KBTBD13: variants seen among roughly 807,000 people sequenced by gnomAD.
KBTBD13 encodes the protein kelch repeat and BTB domain containing 13, also known as kelch repeat and BTB domain-containing protein 13.
Under a neutral mutation model 25.4 loss-of-function variants are expected in KBTBD13, and 32 were observed. The observed-to-expected ratio is 1.26, with a 90% confidence interval of 0.95 to 1.69. The LOEUF (loss-of-function observed/expected upper bound fraction) is 1.69. Among genes scored for constraint, KBTBD13 ranks in the 40% most tolerant of loss-of-function variants. KBTBD13 has a pLI of 0.00. For synonymous variants in KBTBD13, 436 were observed against 329.8 expected (o/e 1.32, Z -3.49); for missense variants, 898 against 679.5 (o/e 1.32, Z -3.57).
rs781438362 is a variant in KBTBD13, at chr15:65,077,062, G to C, written c.247G>C (p.Glu83Gln). 360 of 1,512,778 alleles carry C rather than the reference G, an allele frequency of 2.4e-4. No individual in the cohort carries two copies. The highest frequency in any genetic ancestry group is 3.1e-4 in the Non-Finnish European group (346 of 1,132,894). The allele number at this position is 1,512,778 out of a possible 1,614,324, so 93.7% of individuals were successfully genotyped here. The change falls in exon 1 of 1, where the codon GAG (glutamate) becomes CAG (glutamine). Residue 83 changes from glutamate (E) to glutamine (Q), a missense_variant. Physicochemically the swap from Glu to Gln is conservative, Grantham distance 29. Coordinates refer to ENST00000432196, the MANE Select transcript of KBTBD13 (RefSeq NM_001101362.3). ...GGAGGACGAGCTGCTGCAGGCCGTG[G>C]AGTGCGCCGCCTTCCTCCAGGCGCC... ...AAEDELLQAV[E>Q]CAAFLQAPAL...
In KBTBD13 at chr15:65,076,831, C is replaced by T; in HGVS notation, c.16C>T (p.Gln6Ter). The T allele has an allele frequency of 6.5e-7, 1 of 1,544,534 alleles. No homozygotes were observed. The highest frequency in any genetic ancestry group is 8.7e-7 in the Non-Finnish European group (1 of 1,149,852). ...CCAGCTCGCCATGGCACGGGGTCCACAGACCCTGGTGCAGGTGTGGGTGGG... is the reference window on the plus strand; with the variant it reads ...CCAGCTCGCCATGGCACGGGGTCCATAGACCCTGGTGCAGGTGTGGGTGGG... The part of the protein sequence containing the change: MARGP[Q>*]TLVQVWVGGQ... The change falls in exon 1 of 1, where the codon CAG becomes TAG. Residue 6 changes from glutamine (Q) to a stop codon, truncating the protein, a stop_gained. Coordinates refer to ENST00000432196, the MANE Select transcript of KBTBD13 (RefSeq NM_001101362.3). LOFTEE classifies it high-confidence loss of function.
In KBTBD13 at chr15:65,077,103, T is replaced by A. The variant is rs759474251; in HGVS notation, c.288T>A (p.Phe96Leu). Residue 96 changes from phenylalanine to leucine, a missense_variant, in exon 1 of 1, where the codon TTT becomes TTA. Phe to Leu is a conservative substitution (Grantham distance 22, BLOSUM62 0). Coordinates refer to ENST00000432196, the MANE Select transcript of KBTBD13 (RefSeq NM_001101362.3). ...AFLQAPALAR[F>L]LEHNLTSDNC... ...TCCAGGCGCCGGCGCTGGCTCGCTT[T>A]CTGGAGCACAACCTCACGTCGGACA... is the stretch of plus-strand genomic sequence containing the variant. The A allele has an allele frequency of 3.3e-6, 5 of 1,523,176 alleles. No individual in the cohort carries two copies. The highest frequency in any genetic ancestry group is 4.4e-6 in the Non-Finnish European group (5 of 1,139,662). The allele number at this position is 1,523,176 out of a possible 1,614,324, so 94.4% of individuals were successfully genotyped here.
chr15:65,077,049 G>A lies in KBTBD13; in HGVS notation c.234G>A (p.Leu78=). Residue 78 remains leucine (L), a synonymous_variant, in exon 1 of 1, where the codon CTG becomes CTA. Transcript: ENST00000432196. ...CGGCGCTGGCGGCGGAGGACGAGCT[G>A]CTGCAGGCCGTGGAGTGCGCCGCCT... is the stretch of plus-strand genomic sequence containing the variant. ...DRPALAAEDE[L]LQAVECAAFL... is the part of the protein sequence containing the mutation. 6.6e-6 allele frequency: 10 copies of A among 1,508,174 alleles called. No individual in the cohort carries two copies. The highest frequency in any genetic ancestry group is 8.8e-6 in the Non-Finnish European group (10 of 1,131,032). The allele number at this position is 1,508,174 out of a possible 1,614,324, so 93.4% of individuals were successfully genotyped here.
At position 65,077,256 on chromosome 15, in the gene KBTBD13, C is replaced by A; in HGVS notation, c.441C>A (p.Ala147=). The part of the protein sequence containing the change: ...AAELALPEAR[A]YVAALRPSSY... ...AACTGGCGCTGCCTGAGGCCCGCGCCTACGTGGCGGCCCTGCGGCCCAGCA... is the reference window on the plus strand; with the variant it reads ...AACTGGCGCTGCCTGAGGCCCGCGCATACGTGGCGGCCCTGCGGCCCAGCA... The change falls in exon 1 of 1, where the codon GCC becomes GCA. Residue 147 remains alanine, a synonymous_variant. Transcript: ENST00000432196. 7.1e-7 allele frequency: 1 copy of A among 1,409,018 alleles called. No individual in the cohort carries two copies. The highest frequency in any genetic ancestry group is 9.2e-7 in the Non-Finnish European group (1 of 1,086,664). 87.3% of individuals were successfully genotyped at this position (1,409,018 alleles called of 1,614,324 possible).
rs759104102 is a variant in KBTBD13, at chr15:65,077,027, C to T, written c.212C>T (p.Ala71Val). The change falls in exon 1 of 1, where the codon GCG becomes GTG. Residue 71 changes from alanine to valine, a missense_variant. Physicochemically the swap from Ala to Val is moderately conservative, Grantham distance 64. Coordinates refer to ENST00000432196, the MANE Select transcript of KBTBD13 (RefSeq NM_001101362.3). ...CAGGTGCTGCGCGGCGACCGGCCGG[C>T]GCTGGCGGCGGAGGACGAGCTGCTG... ...TLQVLRGDRP[A>V]LAAEDELLQA... is the part of the protein sequence containing the mutation. The T allele has an allele frequency of 2.0e-6, 3 of 1,498,282 alleles. No individual in the cohort carries two copies. Among genetic ancestry groups the T allele is most frequent in the Non-Finnish European group, 1.8e-6 (2 of 1,126,804 alleles). 92.8% of individuals were successfully genotyped at this position (1,498,282 alleles called of 1,614,324 possible). A position where few individuals can be genotyped will look rare whatever the true frequency, so the allele number is the denominator to read the frequency against.
Position 65,077,105 on chromosome 15 carries a change from T to C in KBTBD13, c.290T>C (p.Leu97Pro), listed in dbSNP as rs767384093. 77 of 1,523,372 alleles carry C rather than the reference T, an allele frequency of 5.1e-5. No individual in the cohort carries two copies. Among genetic ancestry groups the C allele is most frequent in the Admixed American group, 2.6e-4 (13 of 49,786 alleles). 94.4% of individuals were successfully genotyped at this position (1,523,372 alleles called of 1,614,324 possible). Residue 97 changes from leucine (L) to proline (P), a missense_variant, in exon 1 of 1, where the codon CTG (leucine) becomes CCG (proline). Coordinates refer to ENST00000432196, the MANE Select transcript of KBTBD13 (RefSeq NM_001101362.3). The stretch of plus-strand genomic sequence containing the variant: ...CAGGCGCCGGCGCTGGCTCGCTTTC[T>C]GGAGCACAACCTCACGTCGGACAAC... Reference protein sequence around the residue: ...FLQAPALARFLEHNLTSDNCA... With the variant: ...FLQAPALARFPEHNLTSDNCA...
rs1304437909 is a variant in KBTBD13 at position 65,077,047 on chromosome 15, C to G, written c.232C>G (p.Leu78Val). The G allele has an allele frequency of 1.3e-6, 2 of 1,504,272 alleles. No homozygotes were observed. The highest frequency in any genetic ancestry group is 2.5e-5 in the East Asian group (1 of 39,508). The allele number at this position is 1,504,272 out of a possible 1,614,324, so 93.2% of individuals were successfully genotyped here. Residue 78 changes from leucine (L) to valine (V), a missense_variant, in exon 1 of 1, where the codon CTG becomes GTG. Physicochemically the swap from Leu to Val is conservative, Grantham distance 32 (BLOSUM62 1). Transcript: ENST00000432196. ...DRPALAAEDE[L>V]LQAVECAAFL... ...GCCGGCGCTGGCGGCGGAGGACGAG[C>G]TGCTGCAGGCCGTGGAGTGCGCCGC... is the stretch of plus-strand genomic sequence containing the variant.
rs562017331 is a variant in KBTBD13 at position 65,079,443 on chromosome 15, C to G, written c.*1251C>G. On this transcript the variant is annotated 3_prime_UTR_variant, in exon 1 of 1. Transcript: ENST00000432196. ...TGTAACATCATTGTGTGTGCACAACCACGTGTGTGGATTGTAAGGGCAGAG... is the reference window on the plus strand; with the variant it reads ...TGTAACATCATTGTGTGTGCACAACGACGTGTGTGGATTGTAAGGGCAGAG... Among the ~76,000 whole-genome samples the G allele has an allele frequency of 2.0e-5, 3 of 152,300 alleles. No homozygotes were observed. The highest frequency in any genetic ancestry group is 3.9e-4 in the East Asian group (2 of 5,180).
At position 65,078,108 on chromosome 15, in the gene KBTBD13, G is replaced by A; in HGVS notation, c.1293G>A (p.Pro431=). The A allele has an allele frequency of 1.9e-6, 3 of 1,578,472 alleles. No homozygotes were observed. The highest frequency in any genetic ancestry group is 2.6e-6 in the Non-Finnish European group (3 of 1,168,514). ...TGCTCAGGGAGAAAGCCGGCTTCCCGCGGCCCGGCTCCTTGCAGACCTTTC... is the reference window on the plus strand; with the variant it reads ...TGCTCAGGGAGAAAGCCGGCTTCCCACGGCCCGGCTCCTTGCAGACCTTTC... ...WRLLREKAGF[P]RPGSLQTFLL... is the part of the protein sequence containing the mutation. The change falls in exon 1 of 1, where the codon CCG becomes CCA. Residue 431 remains proline (P), a synonymous_variant. Coordinates refer to ENST00000432196, the MANE Select transcript of KBTBD13 (RefSeq NM_001101362.3).
rs1376163934 is a variant in KBTBD13 at position 65,077,162 on chromosome 15, T to C, written c.347T>C (p.Phe116Ser). The change falls in exon 1 of 1, where the codon TTC (phenylalanine) becomes TCC (serine). Residue 116 changes from phenylalanine (F) to serine (S), a missense_variant. By Grantham distance (155) the Phe-to-Ser change is radical (BLOSUM62 -2). Transcript: ENST00000432196. Reference sequence around the variant, plus strand: ...TTGCTGTGCGACGCGGCCGCCGCCTTCGGCCTGCGCGACGTGTTCCACAGT... The same window carrying C: ...TTGCTGTGCGACGCGGCCGCCGCCTCCGGCCTGCGCGACGTGTTCCACAGT... ...CALLCDAAAA[F>S]GLRDVFHSAA... is the part of the protein sequence containing the mutation. 2.0e-6 allele frequency: 3 copies of C among 1,509,100 alleles called. No individual in the cohort carries two copies. The highest frequency in any genetic ancestry group is 1.8e-6 in the Non-Finnish European group (2 of 1,134,150). The allele number at this position is 1,509,100 out of a possible 1,614,324, so 93.5% of individuals were successfully genotyped here.
rs1346069371 is a variant in KBTBD13 at position 65,077,764 on chromosome 15, A to G, written c.949A>G (p.Thr317Ala). Residue 317 changes from threonine to alanine, a missense_variant, in exon 1 of 1, where the codon ACC becomes GCC. Thr to Ala is a moderately conservative substitution (Grantham distance 58). Transcript: ENST00000432196. Reference protein sequence around the residue: ...LFVCLWRPADTTAVVEYAVRT... With the variant: ...LFVCLWRPADATAVVEYAVRT... The stretch of plus-strand genomic sequence containing the variant: ...CGTGTGCCTGTGGCGGCCGGCCGAC[A>G]CCACCGCCGTGGTGGAGTACGCAGT... The G allele has an allele frequency of 6.3e-7, 1 of 1,578,116 alleles. No individual in the cohort carries two copies. The highest frequency in any genetic ancestry group is 1.1e-5 in the South Asian group (1 of 88,146).
Position 65,077,034 on chromosome 15 carries a change from G to T in KBTBD13, c.219G>T (p.Ala73=), listed in dbSNP as rs868363260. Residue 73 remains alanine, a synonymous_variant, in exon 1 of 1, where the codon GCG becomes GCT. Transcript: ENST00000432196. ...TGCGCGGCGACCGGCCGGCGCTGGC[G>T]GCGGAGGACGAGCTGCTGCAGGCCG... ...QVLRGDRPAL[A]AEDELLQAVE... 1.3e-6 allele frequency: 2 copies of T among 1,498,262 alleles called. No homozygotes were observed. Among genetic ancestry groups the T allele is most frequent in the East Asian group, 5.1e-5 (2 of 39,260 alleles). 92.8% of individuals were successfully genotyped at this position (1,498,262 alleles called of 1,614,324 possible).
Position 65,077,402 on chromosome 15 carries a change from A to G in KBTBD13, c.587A>G (p.Glu196Gly). ...AWRTLAALPLEASTLLAGVAT... is the reference protein window; with the variant it reads ...AWRTLAALPLGASTLLAGVAT... Reference sequence around the variant, plus strand: ...CGCACGCTGGCTGCGCTGCCCCTGGAGGCCAGCACGTTGCTGGCCGGGGTG... The same window carrying G: ...CGCACGCTGGCTGCGCTGCCCCTGGGGGCCAGCACGTTGCTGGCCGGGGTG... The change falls in exon 1 of 1, where the codon GAG (glutamate) becomes GGG (glycine). Residue 196 changes from glutamate (E) to glycine (G), a missense_variant. Physicochemically the swap from Glu to Gly is moderately conservative, Grantham distance 98. Transcript: ENST00000432196. 6.6e-7 allele frequency: 1 copy of G among 1,522,154 alleles called. No homozygotes were observed. Among genetic ancestry groups the G allele is most frequent in the Non-Finnish European group, 8.8e-7 (1 of 1,138,382 alleles). The allele number at this position is 1,522,154 out of a possible 1,614,324, so 94.3% of individuals were successfully genotyped here. A position where few individuals can be genotyped will look rare whatever the true frequency, so the allele number is the denominator to read the frequency against.
Position 65,077,115 on chromosome 15 carries a change from C to G in KBTBD13, c.300C>G (p.Asn100Lys), listed in dbSNP as rs1285587606. Reference sequence around the variant, plus strand: ...CGCTGGCTCGCTTTCTGGAGCACAACCTCACGTCGGACAACTGCGCATTGC... The same window carrying G: ...CGCTGGCTCGCTTTCTGGAGCACAAGCTCACGTCGGACAACTGCGCATTGC... ...APALARFLEH[N>K]LTSDNCALLC... The change falls in exon 1 of 1, where the codon AAC becomes AAG. Residue 100 changes from asparagine (N) to lysine (K), a missense_variant. Transcript: ENST00000432196. 1.3e-6 allele frequency: 2 copies of G among 1,523,506 alleles called. No individual in the cohort carries two copies. Among genetic ancestry groups the G allele is most frequent in the East Asian group, 2.5e-5 (1 of 39,668 alleles). The allele number at this position is 1,523,506 out of a possible 1,614,324, so 94.4% of individuals were successfully genotyped here.
chr15:65,078,075 C>T lies in KBTBD13; in HGVS notation c.1260C>T (p.Thr420=), dbSNP rs1177062291. 6.3e-7 allele frequency: 1 copy of T among 1,597,736 alleles called. No homozygotes were observed. Among genetic ancestry groups the T allele is most frequent in the Admixed American group, 1.7e-5 (1 of 59,218 alleles). The change falls in exon 1 of 1, where the codon ACC becomes ACT. Residue 420 remains threonine (T), a synonymous_variant. Transcript: ENST00000432196. The stretch of plus-strand genomic sequence containing the variant: ...TGCTCTACGCCATCGAGGGCGGCAC[C>T]TGGCGGCTGCTCAGGGAGAAAGCCG... The part of the protein sequence containing the change: ...FTLLYAIEGG[T]WRLLREKAGF...
In KBTBD13 at chr15:65,077,821, C is replaced by G. The variant is rs1131691634; in HGVS notation, c.1006C>G (p.Leu336Val). Residue 336 changes from leucine to valine, a missense_variant, in exon 1 of 1, where the codon CTG (leucine) becomes GTG (valine). Coordinates refer to ENST00000432196, the MANE Select transcript of KBTBD13 (RefSeq NM_001101362.3). ...CGACGCGTGGCTGCCAGTGGCCGAG[C>G]TGCGGCGTCCGCAGAGCTATGGCCA... Reference protein sequence around the residue: ...RTDAWLPVAELRRPQSYGHCM... With the variant: ...RTDAWLPVAEVRRPQSYGHCM... 6.2e-7 allele frequency: 1 copy of G among 1,605,500 alleles called. No homozygotes were observed.
In KBTBD13 at chr15:65,077,769, C is replaced by T. The variant is rs368781046; in HGVS notation, c.954C>T (p.Thr318=). The T allele has an allele frequency of 4.7e-5, 75 of 1,580,248 alleles. No homozygotes were observed. The highest frequency in any genetic ancestry group is 6.2e-5 in the Non-Finnish European group (73 of 1,169,122). Residue 318 remains threonine, a synonymous_variant, in exon 1 of 1, where the codon ACC becomes ACT. Coordinates refer to ENST00000432196, the MANE Select transcript of KBTBD13 (RefSeq NM_001101362.3). ...FVCLWRPADT[T]AVVEYAVRTD... ...GCCTGTGGCGGCCGGCCGACACCAC[C>T]GCCGTGGTGGAGTACGCAGTGCGGA...
rs2086999768 is a variant in KBTBD13 at position 65,077,770 on chromosome 15, GC to G, written c.957del (p.Val320TrpfsTer122). The G allele has an allele frequency of 1.1e-5, 18 of 1,580,424 alleles. No individual in the cohort carries two copies. Among genetic ancestry groups the G allele is most frequent in the Non-Finnish European group, 1.5e-5 (18 of 1,169,210 alleles). On this transcript the variant is annotated frameshift_variant, in exon 1 of 1. Coordinates refer to ENST00000432196, the MANE Select transcript of KBTBD13 (RefSeq NM_001101362.3). LOFTEE classifies it high-confidence loss of function. The stretch of plus-strand genomic sequence containing the variant: ...CCTGTGGCGGCCGGCCGACACCACC[GC>G]CGTGGTGGAGTACGCAGTGCGGACC... ...VCLWRPADTT[A>X]VVEYAVRTDA...
chr15:65,078,257 T>G lies in KBTBD13; in HGVS notation c.*65T>G. ...CCTCCCTGAGCTATGGCTGAGTGTG[T>G]GAGGCCGGCCTTAGAAGTAGCTGGC... On this transcript the variant is annotated 3_prime_UTR_variant, in exon 1 of 1. Transcript: ENST00000432196. 1 of 1,502,228 alleles carries G rather than the reference T, an allele frequency of 6.7e-7. No homozygotes were observed. The highest frequency in any genetic ancestry group is 1.3e-5 in the South Asian group (1 of 79,224). The allele number at this position is 1,502,228 out of a possible 1,614,324, so 93.1% of individuals were successfully genotyped here.
Sources: allele counts gnomAD v4.1 joint callset (sites outside exome capture counted in the v4.1 genomes callset), GRCh38; gene constraint gnomAD v4.1.1; transcripts MANE v1.5; gene names NCBI Gene and HGNC (gene_info 2026-07-23, HGNC 2026-07-21).